The following CACNA1C variants were observed in gnomAD, a reference collection of about 807,000 sequenced individuals.
The protein encoded by CACNA1C is calcium voltage-gated channel subunit alpha1 C.
Under a neutral mutation model 229.0 loss-of-function variants are expected in CACNA1C, and 30 were observed. That is an observed-to-expected ratio of 0.13 (90% confidence interval 0.10 to 0.18). The LOEUF (loss-of-function observed/expected upper bound fraction) is 0.18, where lower values mean the gene tolerates loss of function less well. Ranked by LOEUF, CACNA1C falls within the 10% of genes least tolerant of loss-of-function variation. CACNA1C has a pLI of 1.00. For missense variants in CACNA1C, 1,658 were observed against 2,845.0 expected, an observed-to-expected ratio of 0.58 and a Z score of 9.49; for synonymous variants, 1,114 against 1,132.5, an observed-to-expected ratio of 0.98 and a Z score of 0.33.
Position 2,654,277 on chromosome 12 carries a change from G to A in CACNA1C, c.4140+377G>A, listed in dbSNP as rs1313115015. Among the ~76,000 whole-genome samples the A allele has an allele frequency of 2.0e-5, 3 of 152,218 alleles. No individual in the cohort carries two copies. The highest frequency in any genetic ancestry group is 4.4e-5 in the Non-Finnish European group (3 of 68,030). On this transcript the variant is annotated intron_variant, in intron 33 of 46. Coordinates refer to ENST00000399655, the MANE Select transcript of CACNA1C (RefSeq NM_000719.7). This position sits in a 1 kb window ranked among gnomAD's most constrained non-coding sequence, Gnocchi z 4.4. Reference sequence around the variant, plus strand: ...GTTTGTGTCCAGCACCCCTGTTTGTGTCCAGGTCTGATGGGCCTGAGAGTT... The same window carrying A: ...GTTTGTGTCCAGCACCCCTGTTTGTATCCAGGTCTGATGGGCCTGAGAGTT...
In CACNA1C at chr12:2,682,540, G is replaced by A. The variant is rs368236368; in HGVS notation, c.5445-10G>A. On this transcript the variant is annotated splice_polypyrimidine_tract_variant and intron_variant, in intron 42 of 46. Coordinates refer to ENST00000399655, the MANE Select transcript of CACNA1C (RefSeq NM_000719.7). ...GTTTCTGATGTTTTTCTTCATCTTG[G>A]ATATTGTAGGTGCCACTCCCGGGAG... The A allele has an allele frequency of 6.8e-6, 11 of 1,610,832 alleles. No homozygotes were observed. The African/African-American group carries it at 9.3e-5, about 14-fold the overall frequency.
intron 30 of CACNA1C, among the ~76,000 whole-genome samples, chr12:2,635,980 C>A (rs934883629): frequency 8.5e-5 from 13 of 152,352 alleles, no homozygotes; most frequent in African/African-American, 3.1e-4. Context: ...TCTCCCCTTT[C>A]TGAATGGACC....
In CACNA1C at chr12:2,180,610, G is replaced by A. The variant is rs562896203; in HGVS notation, c.477+60180G>A. Among the ~76,000 whole-genome samples, 4 of 152,356 alleles carry A rather than the reference G, an allele frequency of 2.6e-5. 1 individual carries two copies. In the South Asian group the frequency reaches 8.3e-4, roughly 32 times the overall value. On this transcript the variant is annotated intron_variant, in intron 3 of 46. Coordinates refer to ENST00000399655, the MANE Select transcript of CACNA1C (RefSeq NM_000719.7). Reference sequence around the variant, plus strand: ...TGGCTCAGTTCCCAGATGTAATGCTGAGAGACTGTCCAGTGCGCTGCGTTC... The same window carrying A: ...TGGCTCAGTTCCCAGATGTAATGCTAAGAGACTGTCCAGTGCGCTGCGTTC...
chr12:2,395,500 A>C (rs2098553511), intron 3 of CACNA1C, among the ~76,000 whole-genome samples: 1 of 151,880 alleles, frequency 6.6e-6, no homozygotes, highest in South Asian at 2.1e-4. Context: ...CCTTATTTTA[A>C]CTGAATAAAG....
intron 3 of CACNA1C, among the ~76,000 whole-genome samples, chr12:2,380,111 C>T (rs1217056107): frequency 1.3e-5 from 2 of 151,918 alleles, no homozygotes; most frequent in Non-Finnish European, 2.9e-5. Flanking sequence ...ACGTGATGGT[C>T]AAGTCAGCTT....
chr12:2,370,086 A>G (rs1355625815), intron 3 of CACNA1C, among the ~76,000 whole-genome samples: 1 of 152,240 alleles, frequency 6.6e-6, no homozygotes, highest in East Asian at 1.9e-4. Context: ...TTCACAAAAT[A>G]TAAACTACAA....
intron 3 of CACNA1C, among the ~76,000 whole-genome samples, chr12:2,372,582 C>T (rs761567527): frequency 1.3e-5 from 2 of 152,114 alleles, no homozygotes; most frequent in Non-Finnish European, 2.9e-5. Flanking sequence ...GCCTTTCATC[C>T]TCCACATTAC....
intron 28 of CACNA1C, among the ~76,000 whole-genome samples, chr12:2,611,488 A>G (rs1421015545): frequency 2.3e-5 from 3 of 132,066 alleles, no homozygotes; most frequent in South Asian, 2.7e-4. Flanking sequence ...AGCTGGATGC[A>G]TTCATTGTTG....
chr12:2,265,909 C>T (rs2082211776), intron 3 of CACNA1C, among the ~76,000 whole-genome samples: 1 of 152,238 alleles, frequency 6.6e-6, no homozygotes, highest in Non-Finnish European at 1.5e-5. Context: ...TTTAAAGGAT[C>T]CTGTGTTATT....
intron 3 of CACNA1C, among the ~76,000 whole-genome samples, chr12:2,241,221 C>T (rs1366608217): frequency 6.6e-6 from 1 of 152,068 alleles, no homozygotes; most frequent in Non-Finnish European, 1.5e-5. Context: ...CCCGCGCTGG[C>T]CTGGCTGTGT....
intron 1 of CACNA1C, among the ~76,000 whole-genome samples, chr12:1,997,005 TTTTATGTGAATG>T (rs1171925435): frequency 1.3e-5 from 2 of 152,228 alleles, no homozygotes; most frequent in Admixed American, 6.5e-5. Flanking sequence ...GGCTATGACA[TTTTATGTGAATG>T]TTTATGTGAA....
intron 1 of CACNA1C, among the ~76,000 whole-genome samples, chr12:2,024,828 C>A (rs1203141248): frequency 6.6e-6 from 1 of 152,194 alleles, no homozygotes; most frequent in Non-Finnish European, 1.5e-5. Flanking sequence ...ACCACGAAGA[C>A]CAAAGCAGGC....
At chr12:2,659,093 G>A (rs1308464621) in intron 34 of CACNA1C, among the ~76,000 whole-genome samples, 1 of 151,874 alleles carries the variant, frequency 6.6e-6, no homozygotes, top group Admixed American at 6.6e-5. Context: ...AGTGTTTCTA[G>A]TCTCCAGTGG....
chr12:2,582,078 G>C (rs1025421650), intron 14 of CACNA1C, among the ~76,000 whole-genome samples: 1 of 151,822 alleles, frequency 6.6e-6, no homozygotes, highest in African/African-American at 2.4e-5. Flanking sequence ...AGAGGTTGCA[G>C]TGAGCCAAGA....
rs368903302 is a variant in CACNA1C at position 2,217,700 on chromosome 12, AAGTG to A, written c.477+97273_477+97276del. The A allele has an allele frequency of 1.8e-3, 272 of 152,330 alleles. 2 individuals carry two copies. The highest frequency in any genetic ancestry group is 6.4e-3 in the African/African-American group (268 of 41,576). 9.4% of individuals were successfully genotyped at this position (152,330 alleles called of 1,614,324 possible). ...GATGGTTCCATCTCAAGGGTGGAGT[AAGTG>A]AGGTGACATAGTAGGTGGGCATCCT... On this transcript the variant is annotated intron_variant, in intron 3 of 46. Coordinates refer to ENST00000399655, the MANE Select transcript of CACNA1C (RefSeq NM_000719.7).
intron 1 of CACNA1C, among the ~76,000 whole-genome samples, chr12:2,041,818 C>A (rs2050163187): frequency 6.6e-6 from 1 of 152,214 alleles, no homozygotes; most frequent in African/African-American, 2.4e-5. Context: ...CAGCCTGAAC[C>A]AACGTTCAGT....
rs139259148 is a variant in CACNA1C at position 2,054,108 on chromosome 12, G to T, written c.49+497G>T. On this transcript the variant is annotated intron_variant, in intron 1 of 46. Coordinates refer to ENST00000399655, the MANE Select transcript of CACNA1C (RefSeq NM_000719.7). The surrounding 1 kb of genome is among the most constrained non-coding windows in gnomAD (Gnocchi z 5.5). Reference sequence around the variant, plus strand: ...GCCGCCCCTGGGGCGCCCTCGCGCTGCCCGGCGTCCACTCTCGTCCAGGCG... The same window carrying T: ...GCCGCCCCTGGGGCGCCCTCGCGCTTCCCGGCGTCCACTCTCGTCCAGGCG... 1.3e-5 allele frequency among the ~76,000 whole-genome samples: 2 copies of T among 150,134 alleles called. No homozygotes were observed. The highest frequency in any genetic ancestry group is 3.0e-5 in the Non-Finnish European group (2 of 67,426).
chr12:2,456,640 G>A (rs116589397), intron 4 of CACNA1C, among the ~76,000 whole-genome samples: 1,664 of 152,216 alleles, frequency 0.011, 35 homozygotes, highest in African/African-American at 0.037. Context: ...AGTGGGTCCC[G>A]CCCTCACTTC....
At chr12:2,149,202 T>C (rs1042697991) in intron 3 of CACNA1C, among the ~76,000 whole-genome samples, 2 of 152,322 alleles carry the variant, frequency 1.3e-5, no homozygotes, top group African/African-American at 4.8e-5. Context: ...CTATGACCTA[T>C]CTTGGGGTTT....
Sources: allele counts gnomAD v4.1 joint callset (sites outside exome capture counted in the v4.1 genomes callset), GRCh38; gene constraint gnomAD v4.1.1; non-coding constraint Gnocchi (gnomAD v3.1); transcripts MANE v1.5; gene names NCBI Gene and HGNC (gene_info 2026-07-23, HGNC 2026-07-21).